Variants in HADHB observed in about 807,000 individuals in gnomAD.
HADHB encodes the protein trifunctional enzyme subunit beta, mitochondrial.
In HADHB, 50 loss-of-function variants were observed where a neutral mutation model predicts 61.9. That is an observed-to-expected ratio of 0.81 (90% confidence interval 0.64 to 1.02). HADHB has a LOEUF of 1.02. Among genes scored for constraint, HADHB ranks in the 50% least tolerant of loss-of-function variants. The pLI is 0.00. For missense variants in HADHB, 504 were observed against 586.5 expected (o/e 0.86, Z 1.45); for synonymous variants, 191 against 201.6 (o/e 0.95, Z 0.45).
At chr2:26,262,364 T>C (rs965934405) in intron 3 of HADHB, among the ~76,000 whole-genome samples, 8 of 152,182 alleles carry the variant, frequency 5.3e-5, no homozygotes, top group Non-Finnish European at 8.8e-5. Context: ...CAATAAAATA[T>C]ACATAATATA....
At chr2:26,279,503 A>G (rs955788915) in intron 9 of HADHB, among the ~76,000 whole-genome samples, 188 bp downstream of exon 9, 2 of 152,132 alleles carry the variant, frequency 1.3e-5, no homozygotes, top group Non-Finnish European at 2.9e-5. Context: ...TAATGTTTCT[A>G]TAAGAGTGTC....
At chr2:26,273,957 T>G (rs1416381480) in intron 6 of HADHB, among the ~76,000 whole-genome samples, 6 of 152,232 alleles carry the variant, frequency 3.9e-5, no homozygotes. Flanking sequence ...TTAGTGTATA[T>G]CCATACTTTA....
intron 1 of HADHB, 81 bp from the exon 2 acceptor site, chr2:26,254,166 G>T (rs1035141508): frequency 3.9e-5 from 30 of 770,368 alleles, no homozygotes; most frequent in Non-Finnish European, 7.1e-5. Context: ...CATGGATGAG[G>T]TTATCAGAGT....
chr2:26,264,606 T>C (rs558095882), intron 4 of HADHB, among the ~76,000 whole-genome samples: 1 of 141,348 alleles, frequency 7.1e-6, no homozygotes, highest in African/African-American at 2.6e-5. Flanking sequence ...TAGTGTGCAA[T>C]GACTTATGAA....
At chr2:26,288,350 G>T (rs1001602800) in intron 15 of HADHB, among the ~76,000 whole-genome samples, 1 of 152,022 alleles carries the variant, frequency 6.6e-6, no homozygotes, top group African/African-American at 2.4e-5. Flanking sequence ...ATTCTTTCAG[G>T]ACAACCCCCA....
intron 4 of HADHB, among the ~76,000 whole-genome samples, chr2:26,269,169 CA>C (rs1331779567): frequency 6.6e-6 from 1 of 150,996 alleles, no homozygotes; most frequent in Non-Finnish European, 1.5e-5. Flanking sequence ...AAAAAAACAG[CA>C]GGGGGAAAGA....
intron 1 of HADHB, among the ~76,000 whole-genome samples, chr2:26,252,700 C>T (rs1226495446): frequency 1.3e-5 from 2 of 152,180 alleles, no homozygotes; most frequent in Non-Finnish European, 2.9e-5. Flanking sequence ...TAGTATTTCA[C>T]AGGGGTGTTG....
intron 3 of HADHB, among the ~76,000 whole-genome samples, chr2:26,257,101 A>G (rs1177977393): frequency 3.3e-5 from 5 of 149,644 alleles, no homozygotes; most frequent in Admixed American, 2.7e-4. Context: ...GGGAAGGCTA[A>G]GAGCTCCCCT....
intron 1 of HADHB, among the ~76,000 whole-genome samples, chr2:26,251,012 G>A (rs1671377273): frequency 7.0e-6 from 1 of 141,926 alleles, no homozygotes; most frequent in African/African-American, 2.5e-5. Flanking sequence ...TTTTCCCAGT[G>A]AATTCATGGA....
intron 3 of HADHB, among the ~76,000 whole-genome samples, chr2:26,256,544 TATACAC>T (rs1226330595): frequency 1.4e-5 from 2 of 147,216 alleles, no homozygotes; most frequent in African/African-American, 4.9e-5. Flanking sequence ...TATATATATA[TATACAC>T]ACACACGTGT....
intron 1 of HADHB, among the ~76,000 whole-genome samples, chr2:26,252,359 G>A (rs1371276293): frequency 2.0e-5 from 3 of 152,236 alleles, no homozygotes; most frequent in Non-Finnish European, 4.4e-5. Flanking sequence ...AATCTTGTGG[G>A]ATTTTTTTGG....
intron 15 of HADHB, among the ~76,000 whole-genome samples, chr2:26,288,904 C>A (rs891914504): frequency 2.0e-5 from 3 of 152,040 alleles, no homozygotes; most frequent in Non-Finnish European, 4.4e-5. Flanking sequence ...TTAGACTCAT[C>A]TAAACTAAGG....
rs566652472 is a variant in HADHB at position 26,262,115 on chromosome 2, C to T, written c.110-1265C>T. 5.9e-5 allele frequency among the ~76,000 whole-genome samples: 9 copies of T among 152,258 alleles called. 1 individual carries two copies. In the South Asian group the frequency reaches 1.9e-3, roughly 31 times the overall value. ...CCCTATTTTATCATGACTATTAACTCTCACTAATATTTCTTTAAAGTTGGT... is the reference window on the plus strand; with the variant it reads ...CCCTATTTTATCATGACTATTAACTTTCACTAATATTTCTTTAAAGTTGGT... On this transcript the variant is annotated intron_variant, in intron 3 of 15. Coordinates refer to ENST00000317799, the MANE Select transcript of HADHB (RefSeq NM_000183.3).
In HADHB at chr2:26,263,390, C is replaced by CA. The variant is rs1477343493; in HGVS notation, c.124dup (p.Thr42AsnfsTer31). 6.2e-7 allele frequency: 1 copy of CA among 1,605,754 alleles called. No individual in the cohort carries two copies. The highest frequency in any genetic ancestry group is 8.5e-7 in the Non-Finnish European group (1 of 1,172,908). ...AACTTTATCTTAAAGCTGTCCAGAC[C>CA]AAAACGAAGAAGACGTTAGCCAAAC... On this transcript the variant is annotated frameshift_variant, in exon 4 of 16. Transcript: ENST00000317799. LOFTEE classifies it high-confidence loss of function.
At chr2:26,245,685 A>G (rs1033963758) in intron 1 of HADHB, among the ~76,000 whole-genome samples, 2 of 152,184 alleles carry the variant, frequency 1.3e-5, no homozygotes, top group African/African-American at 4.8e-5. Flanking sequence ...CTCCTAGTGA[A>G]GAGTTCTTCA....
chr2:26,267,868 A>C (rs773254696), intron 4 of HADHB, among the ~76,000 whole-genome samples: 2 of 151,884 alleles, frequency 1.3e-5, no homozygotes, highest in African/African-American at 4.8e-5. Flanking sequence ...GACTGTGTAC[A>C]GTGGTTCACA....
chr2:26,279,246 T>A lies in HADHB; in HGVS notation c.742T>A (p.Ser248Thr), dbSNP rs1484718158. ...GGAACAGGATGAATATGCACTGCGCTCTCACAGTCTAGCCAAGAAGGCACA... is the reference window on the plus strand; with the variant it reads ...GGAACAGGATGAATATGCACTGCGCACTCACAGTCTAGCCAAGAAGGCACA... The part of the protein sequence containing the change: ...RLEQDEYALR[S>T]HSLAKKAQDE... Residue 248 changes from serine to threonine, a missense_variant, in exon 9 of 16, where the codon TCT (serine) becomes ACT (threonine). Coordinates refer to ENST00000317799, the MANE Select transcript of HADHB (RefSeq NM_000183.3). The A allele has an allele frequency of 6.2e-7, 1 of 1,613,176 alleles. No homozygotes were observed.
chr2:26,278,993 G>C, intron 8 of HADHB, 142 bp from the exon 9 acceptor site: 1 of 901,178 alleles, frequency 1.1e-6, no homozygotes, highest in South Asian at 1.3e-5. Context: ...ATCCTCTTTA[G>C]AGATCCTCTG....
At chr2:26,277,235 T>A in intron 7 of HADHB, 75 bp downstream of exon 7, 14 of 147,810 alleles carry the variant, frequency 9.5e-5, no homozygotes, top group East Asian at 1.3e-4. Context: ...AAAATGTACT[T>A]TTTTTTTTTT....
Sources: allele counts gnomAD v4.1 joint callset (sites outside exome capture counted in the v4.1 genomes callset), GRCh38; gene constraint gnomAD v4.1.1; transcripts MANE v1.5; gene names NCBI Gene and HGNC (gene_info 2026-07-23, HGNC 2026-07-21).